TMEM200A: variants seen among roughly 807,000 people sequenced by gnomAD.
TMEM200A encodes transmembrane protein 200A, also known as two transmembrane C.
A neutral mutation model predicts 24.3 loss-of-function variants in TMEM200A; 12 were observed. The ratio of observed to expected loss-of-function variants is 0.49; its 90% CI spans 0.32 to 0.80. The LOEUF (loss-of-function observed/expected upper bound fraction) is 0.80, where lower values mean the gene tolerates loss of function less well. TMEM200A is among the 30% of genes least tolerant of loss of function. The pLI is 0.04. For missense variants in TMEM200A, 545 were observed against 614.4 expected (o/e 0.89, Z 1.19); for synonymous variants, 224 against 224.4 (o/e 1.00, Z 0.02).
At chr6:130,392,233 G>C (rs1778851349) in intron 2 of TMEM200A, among the ~76,000 whole-genome samples, 1 of 152,142 alleles carries the variant, frequency 6.6e-6, no homozygotes, top group African/African-American at 2.4e-5. Context: ...ACTTAATGAG[G>C]TAATGCATAT....
In TMEM200A at chr6:130,441,788, A is replaced by G; in HGVS notation, c.1366A>G (p.Asn456Asp). The G allele has an allele frequency of 6.2e-7, 1 of 1,614,100 alleles. No homozygotes were observed. Among genetic ancestry groups the G allele is most frequent in the Non-Finnish European group, 8.5e-7 (1 of 1,179,968 alleles). Residue 456 changes from asparagine (N) to aspartate (D), a missense_variant, in exon 3 of 3, where the codon AAT becomes GAT. By Grantham distance (23) the Asn-to-Asp change is conservative (BLOSUM62 1). Transcript: ENST00000296978. The part of the protein sequence containing the change: ...PQVAIKKDFT[N>D]KEKLLMISRS... Reference sequence around the variant, plus strand: ...AGTTGCCATCAAAAAGGACTTTACCAATAAGGAGAAGCTTCTTATGATTTC... The same window carrying G: ...AGTTGCCATCAAAAAGGACTTTACCGATAAGGAGAAGCTTCTTATGATTTC...
chr6:130,427,807 ATTC>A (rs1005111401), intron 2 of TMEM200A, among the ~76,000 whole-genome samples: 5 of 150,766 alleles, frequency 3.3e-5, no homozygotes, highest in African/African-American at 1.2e-4. Context: ...TTCTTTGCTC[ATTC>A]TTCTTTTCAT....
chr6:130,429,460 G>T (rs977138772), intron 2 of TMEM200A, among the ~76,000 whole-genome samples: 5 of 152,182 alleles, frequency 3.3e-5, no homozygotes, highest in Middle Eastern at 3.4e-3. Context: ...TCTTAATATT[G>T]ACCCAAATAC....
intron 1 of TMEM200A, among the ~76,000 whole-genome samples, chr6:130,367,729 A>G (rs1425726339): frequency 2.6e-5 from 4 of 152,366 alleles, no homozygotes; most frequent in East Asian, 1.9e-4. Context: ...ACAGAAAATA[A>G]TGCTTCCATT....
chr6:130,368,732 G>A (rs1778241865), intron 1 of TMEM200A, among the ~76,000 whole-genome samples: 1 of 152,164 alleles, frequency 6.6e-6, no homozygotes, highest in South Asian at 2.1e-4. Context: ...CAGATCACCT[G>A]GCAGCTGAGG....
rs755870200 is a variant in TMEM200A at position 130,441,076 on chromosome 6, C to A, written c.654C>A (p.Ser218Arg). ...NTIASFSGFR[S>R]SFRMDSSVEE... is the part of the protein sequence containing the mutation. The stretch of plus-strand genomic sequence containing the variant: ...TCGCCTCTTTCTCGGGTTTTCGGAG[C>A]AGTTTTCGAATGGACAGCTCCGTGG... Residue 218 changes from serine to arginine, a missense_variant, in exon 3 of 3, where the codon AGC (serine) becomes AGA (arginine). Transcript: ENST00000296978. 1 of 1,613,950 alleles carries A rather than the reference C, an allele frequency of 6.2e-7. No individual in the cohort carries two copies. Among genetic ancestry groups the A allele is most frequent in the Non-Finnish European group, 8.5e-7 (1 of 1,179,986 alleles).
At chr6:130,390,547 C>A (rs1037332307) in intron 2 of TMEM200A, among the ~76,000 whole-genome samples, 5 of 152,222 alleles carry the variant, frequency 3.3e-5, no homozygotes, top group Non-Finnish European at 7.3e-5. Context: ...AAAAGCTTGA[C>A]AAACCTTAGT....
intron 2 of TMEM200A, among the ~76,000 whole-genome samples, chr6:130,404,489 T>C (rs913852322): frequency 1.3e-5 from 2 of 152,062 alleles, no homozygotes; most frequent in African/African-American, 4.8e-5. Flanking sequence ...AAAAATAATA[T>C]CCTGTTTATG....
At chr6:130,370,819 A>C (rs1461081935) in intron 1 of TMEM200A, among the ~76,000 whole-genome samples, 1 of 152,092 alleles carries the variant, frequency 6.6e-6, no homozygotes, top group Non-Finnish European at 1.5e-5. Context: ...TGTTTCCAAA[A>C]GCCCTGCCCA....
Position 130,442,072 on chromosome 6 carries a change from G to A in TMEM200A, c.*174G>A. The stretch of plus-strand genomic sequence containing the variant: ...TTGTATGTTTGGGTTACTTGTGACT[G>A]CAGTACTCTATGTTACCACACATGA... On this transcript the variant is annotated 3_prime_UTR_variant, in exon 3 of 3. Transcript: ENST00000296978. The A allele has an allele frequency of 6.9e-6, 4 of 575,876 alleles. No individual in the cohort carries two copies. The highest frequency in any genetic ancestry group is 3.0e-6 in the Non-Finnish European group (1 of 330,410). 35.7% of individuals were successfully genotyped at this position (575,876 alleles called of 1,614,324 possible).
intron 1 of TMEM200A, among the ~76,000 whole-genome samples, chr6:130,368,942 C>T (rs1016964733): frequency 1.3e-5 from 2 of 152,138 alleles, no homozygotes. Context: ...TTTATGGTCT[C>T]TCTTTAAAAT....
chr6:130,369,610 A>G (rs1010969446), intron 1 of TMEM200A, among the ~76,000 whole-genome samples: 1 of 152,170 alleles, frequency 6.6e-6, no homozygotes, highest in African/African-American at 2.4e-5. Flanking sequence ...GGCTTTGACT[A>G]TCACAGAGTA....
chr6:130,401,772 G>A (rs569871293), intron 2 of TMEM200A, among the ~76,000 whole-genome samples: 2 of 151,836 alleles, frequency 1.3e-5, no homozygotes, highest in South Asian at 4.1e-4. Flanking sequence ...TTTTAAATGT[G>A]TAAATTTGAT....
chr6:130,393,684 T>C (rs1778888486), intron 2 of TMEM200A, among the ~76,000 whole-genome samples: 1 of 152,214 alleles, frequency 6.6e-6, no homozygotes, highest in Admixed American at 6.5e-5. Context: ...GAGTCCTTTT[T>C]TCAAGATTAT....
At chr6:130,394,968 T>G (rs1464764137) in intron 2 of TMEM200A, among the ~76,000 whole-genome samples, 1 of 152,138 alleles carries the variant, frequency 6.6e-6, no homozygotes, top group East Asian at 1.9e-4. Context: ...CTTGCTCAAG[T>G]CCAGCCAGCT....
At position 130,440,661 on chromosome 6, in the gene TMEM200A, T is replaced by C; in HGVS notation, c.239T>C (p.Val80Ala). 1.2e-6 allele frequency: 2 copies of C among 1,613,876 alleles called. No homozygotes were observed. Among genetic ancestry groups the C allele is most frequent in the Non-Finnish European group, 1.7e-6 (2 of 1,179,780 alleles). The change falls in exon 3 of 3, where the codon GTT (valine) becomes GCT (alanine). Residue 80 changes from valine (V) to alanine (A), a missense_variant. Transcript: ENST00000296978. ...TCCATTATAGGAATTGCTATGGCCGTTCTTGGATATTGGCCCCAAAAAGAA... is the reference window on the plus strand; with the variant it reads ...TCCATTATAGGAATTGCTATGGCCGCTCTTGGATATTGGCCCCAAAAAGAA... ...LISIIGIAMA[V>A]LGYWPQKEHF...
chr6:130,377,158 A>G (rs1778477229), intron 1 of TMEM200A, among the ~76,000 whole-genome samples: 1 of 152,242 alleles, frequency 6.6e-6, no homozygotes, highest in Non-Finnish European at 1.5e-5. Context: ...AAGTACTTAG[A>G]GCAAGGGAAA....
chr6:130,392,979 T>C (rs1052006491), intron 2 of TMEM200A, among the ~76,000 whole-genome samples: 12 of 152,258 alleles, frequency 7.9e-5, no homozygotes, highest in African/African-American at 2.9e-4. Context: ...AATAACTATT[T>C]GTAGTTCAAT....
chr6:130,381,818 C>T (rs545413782), intron 1 of TMEM200A: 2 of 703,156 alleles, frequency 2.8e-6, no homozygotes, highest in African/African-American at 3.9e-5. Context: ...TGGTTTTTAC[C>T]CTTTAGTTCC....
Sources: gnomAD v4.1 joint callset for allele counts (sites outside exome capture counted in the v4.1 genomes callset) on GRCh38, gnomAD v4.1.1 for gene constraint, MANE v1.5 for transcripts, NCBI Gene and HGNC (gene_info 2026-07-23, HGNC 2026-07-21) for gene names.